DLGAP2: variants seen among roughly 807,000 people sequenced by gnomAD.
The protein encoded by DLGAP2 is disks large-associated protein 2.
Under a neutral mutation model 100.3 loss-of-function variants are expected in DLGAP2, and 26 were observed. The ratio of observed to expected loss-of-function variants is 0.26; its 90% CI spans 0.19 to 0.36. The LOEUF (loss-of-function observed/expected upper bound fraction) is 0.36. DLGAP2 is among the 10% of genes least tolerant of loss of function. The probability of loss-of-function intolerance (pLI) is 1.00; values close to 1 mark genes in which losing one functional copy is unlikely to be tolerated. For missense variants in DLGAP2, 1,858 were observed against 1,453.2 expected (o/e 1.28, Z -4.53); for synonymous variants, 886 against 630.1 (o/e 1.41, Z -6.08).
chr8:1,280,712 C>G (rs1799798014), intron 3 of DLGAP2, among the ~76,000 whole-genome samples: 1 of 152,164 alleles, frequency 6.6e-6, no homozygotes, highest in Non-Finnish European at 1.5e-5. Context: ...TTGGTGCCAC[C>G]TTCATCTGGG....
In DLGAP2 at chr8:1,146,883, A is replaced by G. The variant is rs545194388; in HGVS notation, c.74-111968A>G. Among the ~76,000 whole-genome samples the G allele has an allele frequency of 5.3e-5, 8 of 152,336 alleles. No homozygotes were observed. The East Asian group carries it at 7.7e-4, about 15-fold the overall frequency. On this transcript the variant is annotated intron_variant, in intron 2 of 14. Coordinates refer to ENST00000637795, the MANE Select transcript of DLGAP2 (RefSeq NM_001346810.2). ...GATCTCTTTGTCAAACACTGAGCCA[A>G]TTCCTCACTGCCACAATTATTTTTA...
intron 3 of DLGAP2, among the ~76,000 whole-genome samples, chr8:1,456,924 G>A (rs950339186): frequency 4.6e-5 from 7 of 150,580 alleles, no homozygotes; most frequent in South Asian, 4.2e-4. Context: ...CTCCGGCCCC[G>A]AGCGGTCTCT....
chr8:1,121,143 G>A (rs999571619), intron 2 of DLGAP2, among the ~76,000 whole-genome samples: 9 of 116,308 alleles, frequency 7.7e-5, no homozygotes, highest in Admixed American at 5.2e-4. Context: ...CCAGTTAGAA[G>A]CCATGACCAC....
At chr8:1,025,778 A>C (rs1016577715) in intron 2 of DLGAP2, among the ~76,000 whole-genome samples, 1 of 152,226 alleles carries the variant, frequency 6.6e-6, no homozygotes, top group Non-Finnish European at 1.5e-5. Flanking sequence ...GGGGGTTCTG[A>C]GAGACACGGT....
At chr8:1,217,317 C>T (rs1798234389) in intron 2 of DLGAP2, among the ~76,000 whole-genome samples, 1 of 152,122 alleles carries the variant, frequency 6.6e-6, no homozygotes, top group Non-Finnish European at 1.5e-5. Flanking sequence ...CACAGTATTC[C>T]ATCATGCATA....
At chr8:1,573,981 C>T (rs1477231369) in intron 6 of DLGAP2, among the ~76,000 whole-genome samples, 4 of 152,110 alleles carry the variant, frequency 2.6e-5, no homozygotes, top group Admixed American at 1.3e-4. Flanking sequence ...ATGCGTGAGA[C>T]AGGACTCCTA....
chr8:1,541,072 G>T (rs1464082211), intron 4 of DLGAP2, among the ~76,000 whole-genome samples: 1 of 152,154 alleles, frequency 6.6e-6, no homozygotes, highest in Non-Finnish European at 1.5e-5. Context: ...CAGAGTACTT[G>T]AGAATATTAA....
intron 2 of DLGAP2, among the ~76,000 whole-genome samples, chr8:930,092 G>A (rs533673389): frequency 1.3e-5 from 2 of 152,212 alleles, no homozygotes; most frequent in South Asian, 4.2e-4. Context: ...TGTTTGCATC[G>A]GGTTGAAGGC....
At chr8:1,437,024 C>T (rs1215113854) in intron 3 of DLGAP2, among the ~76,000 whole-genome samples, 2 of 151,970 alleles carry the variant, frequency 1.3e-5, no homozygotes, top group Non-Finnish European at 2.9e-5. Flanking sequence ...CCATCCGGGT[C>T]TGCGTTCAGC....
chr8:825,361 C>A (rs1796667108), intron 1 of DLGAP2, among the ~76,000 whole-genome samples: 3 of 152,170 alleles, frequency 2.0e-5, no homozygotes, highest in Admixed American at 1.3e-4. Context: ...GATTTGGGAT[C>A]AGAGAGTTCT....
chr8:1,535,160 C>G (rs1401997438), intron 4 of DLGAP2, among the ~76,000 whole-genome samples: 2 of 152,212 alleles, frequency 1.3e-5, no homozygotes, highest in Non-Finnish European at 2.9e-5. Flanking sequence ...CCGACAGATG[C>G]CCAGAAGTCC....
chr8:846,013 A>G (rs1411445248), intron 1 of DLGAP2, among the ~76,000 whole-genome samples: 1 of 152,252 alleles, frequency 6.6e-6, no homozygotes, highest in Non-Finnish European at 1.5e-5. Context: ...TGTGTTTGAA[A>G]ATAATACTTA....
rs1797980109 is a variant in DLGAP2, at chr8:1,644,061, ACCTGTGTCACCCTCGACCCC to A, written c.1810+11016_1810+11035del. On this transcript the variant is annotated intron_variant, in intron 8 of 14. Coordinates refer to ENST00000637795, the MANE Select transcript of DLGAP2 (RefSeq NM_001346810.2). ...GTCACCCTCGAACCCGCCGGTCCTC[ACCTGTGTCACCCTCGACCCC>A]GCCGGTCCTCACCTGTGTCACCCTC... Among the ~76,000 whole-genome samples the A allele has an allele frequency of 2.2e-5, 2 of 88,952 alleles. 1 individual carries two copies. Among genetic ancestry groups the A allele is most frequent in the African/African-American group, 9.1e-5 (2 of 21,910 alleles). 58.4% of individuals were successfully genotyped at this position (88,952 alleles called of 152,430 possible). A position where few individuals can be genotyped will look rare whatever the true frequency, so the allele number is the denominator to read the frequency against.
chr8:1,308,760 G>A (rs997902379), intron 3 of DLGAP2, among the ~76,000 whole-genome samples: 2 of 152,170 alleles, frequency 1.3e-5, no homozygotes, highest in African/African-American at 2.4e-5. Context: ...CCCGACCTCG[G>A]ATGATCTGCC....
At chr8:1,470,563 A>T (rs190914133) in intron 3 of DLGAP2, among the ~76,000 whole-genome samples, 1 of 152,160 alleles carries the variant, frequency 6.6e-6, no homozygotes, top group Non-Finnish European at 1.5e-5. Flanking sequence ...TTGGAATCCT[A>T]TTCTATTCTC....
At chr8:1,050,733 C>T (rs1237974255) in intron 2 of DLGAP2, among the ~76,000 whole-genome samples, 1 of 152,172 alleles carries the variant, frequency 6.6e-6, no homozygotes, top group East Asian at 1.9e-4. Flanking sequence ...GTATCTTCTC[C>T]TTAAACTGCC....
chr8:763,775 G>A (rs1365820582), intron 1 of DLGAP2, among the ~76,000 whole-genome samples: 3 of 152,164 alleles, frequency 2.0e-5, no homozygotes, highest in Non-Finnish European at 4.4e-5. Flanking sequence ...TGGAAAACCC[G>A]ATACTTGGTG....
In DLGAP2 at chr8:965,174, GC is replaced by G. The variant is rs1384522626; in HGVS notation, c.73+57209del. Among the ~76,000 whole-genome samples the G allele has an allele frequency of 5.9e-5, 7 of 118,282 alleles. 1 individual carries two copies. The highest frequency in any genetic ancestry group is 3.0e-4 in the Admixed American group (3 of 10,084). The allele number at this position is 118,282 out of a possible 152,430, so 77.6% of individuals were successfully genotyped here. On this transcript the variant is annotated intron_variant, in intron 2 of 14. Transcript: ENST00000637795. ...CAGGGCTCCTGAGTCTGACCCCTGC[GC>G]TGCACACGGCACTGTTCACCACACA...
At chr8:831,533 A>G (rs1585910265) in intron 1 of DLGAP2, among the ~76,000 whole-genome samples, 1 of 152,282 alleles carries the variant, frequency 6.6e-6, no homozygotes, top group South Asian at 2.1e-4. Flanking sequence ...TGTCCCTGCA[A>G]AGGACGTGAA....
Sources: allele counts gnomAD v4.1 joint callset (sites outside exome capture counted in the v4.1 genomes callset), GRCh38; gene constraint gnomAD v4.1.1; transcripts MANE v1.5; gene names NCBI Gene and HGNC (gene_info 2026-07-23, HGNC 2026-07-21).